The following SUPV3L1 variants were observed in gnomAD, a reference collection of about 807,000 sequenced individuals.
SUPV3L1 encodes the protein ATP-dependent RNA helicase SUPV3L1, mitochondrial.
In SUPV3L1, 35 loss-of-function variants were observed where a neutral mutation model predicts 70.0. The observed-to-expected ratio is 0.50, with a 90% CI of 0.38 to 0.66. The LOEUF (loss-of-function observed/expected upper bound fraction) is 0.66. Ranked by LOEUF, SUPV3L1 falls within the 30% of genes least tolerant of loss-of-function variation. SUPV3L1 has a pLI of 0.00. For missense variants in SUPV3L1, 777 were observed against 961.5 expected, an observed-to-expected ratio of 0.81 and a Z score of 2.54; for synonymous variants, 364 against 341.9, an observed-to-expected ratio of 1.06 and a Z score of -0.71.
At chr10:69,203,816 C>T (rs749541237) in intron 13 of SUPV3L1, among the ~76,000 whole-genome samples, 5 of 152,036 alleles carry the variant, frequency 3.3e-5, no homozygotes, top group African/African-American at 4.8e-5. Flanking sequence ...ACCTCAACCT[C>T]CCTGGCTCAA....
At chr10:69,194,016 T>G (rs752840182) in intron 6 of SUPV3L1, among the ~76,000 whole-genome samples, 5 of 152,192 alleles carry the variant, frequency 3.3e-5, no homozygotes, top group African/African-American at 4.8e-5. Context: ...GCTGCCTGGT[T>G]TCCTGTGGTA....
intron 12 of SUPV3L1, 28 bp from the exon 13 acceptor site, chr10:69,202,839 C>T (rs774359677): frequency 2.1e-5 from 33 of 1,598,946 alleles, no homozygotes; most frequent in Middle Eastern, 1.7e-4. Context: ...TTAGGCAGTC[C>T]AGTAATTTCT....
rs776784045 is a variant in SUPV3L1, at chr10:69,200,441, A to G, written c.1460A>G (p.Asn487Ser). 1.6e-5 allele frequency: 26 copies of G among 1,613,980 alleles called. No homozygotes were observed. The Admixed American group carries it at 3.2e-4, about 20-fold the overall frequency. The change falls in exon 11 of 15, where the codon AAT (asparagine) becomes AGT (serine). Residue 487 changes from asparagine to serine, a missense_variant. Transcript: ENST00000359655. ...AAAGAAGGAGAGGTTACAACAATGA[A>G]TCATGAAGATCTCAGTTTATTAAAG... Reference protein sequence around the residue: ...RFKEGEVTTMNHEDLSLLKEI... With the variant: ...RFKEGEVTTMSHEDLSLLKEI...
rs1420920223 is a variant in SUPV3L1 at position 69,197,078 on chromosome 10, G to T, written c.1018G>T (p.Val340Leu). The T allele has an allele frequency of 1.2e-6, 2 of 1,614,044 alleles. No homozygotes were observed. Among genetic ancestry groups the T allele is most frequent in the Non-Finnish European group, 1.7e-6 (2 of 1,179,908 alleles). The change falls in exon 8 of 15, where the codon GTG becomes TTG. Residue 340 changes from valine to leucine, a missense_variant. By Grantham distance (32) the Val-to-Leu change is conservative. Around this residue, in one of 2 missense-constraint regions of SUPV3L1, gnomAD observed 619 missense variants for 823.3 expected, o/e 0.75. Coordinates refer to ENST00000359655, the MANE Select transcript of SUPV3L1 (RefSeq NM_003171.5). ...MELMYTTGEE[V>L]EVRDYKRLTP... Reference sequence around the variant, plus strand: ...GCTTATGTACACAACGGGGGAGGAAGTGGAGGTATTCGATTAGATGCTTTG... The same window carrying T: ...GCTTATGTACACAACGGGGGAGGAATTGGAGGTATTCGATTAGATGCTTTG...
Position 69,200,380 on chromosome 10 carries a change from A to G in SUPV3L1, c.1399A>G (p.Ile467Val), listed in dbSNP as rs1842653739. 1 of 1,614,056 alleles carries G rather than the reference A, an allele frequency of 6.2e-7. No homozygotes were observed. The highest frequency in any genetic ancestry group is 1.3e-5 in the African/African-American group (1 of 74,928). Reference protein sequence around the residue: ...EPITTSQALQIAGRAGRFSSR... With the variant: ...EPITTSQALQVAGRAGRFSSR... The stretch of plus-strand genomic sequence containing the variant: ...AATCACAACCTCTCAAGCCCTGCAG[A>G]TTGCTGGCAGAGCTGGCAGATTCAG... Residue 467 changes from isoleucine (I) to valine (V), a missense_variant, in exon 11 of 15, where the codon ATT becomes GTT. By Grantham distance (29) the Ile-to-Val change is conservative (BLOSUM62 3). Coordinates refer to ENST00000359655, the MANE Select transcript of SUPV3L1 (RefSeq NM_003171.5).
intron 11 of SUPV3L1, among the ~76,000 whole-genome samples, chr10:69,202,027 G>C (rs1258121447): frequency 1.3e-5 from 2 of 151,286 alleles, no homozygotes; most frequent in Admixed American, 6.6e-5. Context: ...TTTTAGTAGA[G>C]ACGGGGTTTC....
chr10:69,206,685 C>T (rs1842838414), intron 13 of SUPV3L1, among the ~76,000 whole-genome samples: 1 of 152,214 alleles, frequency 6.6e-6, no homozygotes, highest in African/African-American at 2.4e-5. Context: ...ACCAGCCTTG[C>T]ACCAGGCCAC....
intron 11 of SUPV3L1, among the ~76,000 whole-genome samples, chr10:69,202,002 A>G (rs190280963): frequency 6.6e-6 from 1 of 151,334 alleles, no homozygotes; most frequent in Non-Finnish European, 1.5e-5. Flanking sequence ...CACCACACCC[A>G]GCTAATTTTT....
chr10:69,189,182 C>A, intron 4 of SUPV3L1, 85 bp from the exon 5 acceptor site: 1 of 1,402,832 alleles, frequency 7.1e-7, no homozygotes, highest in Non-Finnish European at 9.6e-7. Context: ...GAGGATATTT[C>A]ATTTGGAATT....
chr10:69,201,597 TG>T (rs999224028), intron 11 of SUPV3L1, among the ~76,000 whole-genome samples: 4 of 151,326 alleles, frequency 2.6e-5, no homozygotes, highest in Non-Finnish European at 5.9e-5. Context: ...TGCTGTGGCA[TG>T]ATCACGGCTC....
rs766172387 is a variant in SUPV3L1 at position 69,203,056 on chromosome 10, C to G, written c.1776+13C>G. On this transcript the variant is annotated intron_variant, in intron 13 of 14. Transcript: ENST00000359655. The stretch of plus-strand genomic sequence containing the variant: ...TTCACTGTTACAGGTAAGCCTTTAT[C>G]TTTAAGCTATTTTGAGTTCCTTCTG... 1.1e-5 allele frequency: 17 copies of G among 1,590,492 alleles called. No individual in the cohort carries two copies. Among genetic ancestry groups the G allele is most frequent in the Middle Eastern group, 1.7e-4 (1 of 5,946 alleles).
chr10:69,189,467 T>C (rs1443155440), intron 5 of SUPV3L1, 32 bp downstream of exon 5: 6 of 1,542,796 alleles, frequency 3.9e-6, no homozygotes, highest in Non-Finnish European at 4.4e-6. Flanking sequence ...TGCTCATTTT[T>C]TTCTTAATTT....
rs59328806 is a variant in SUPV3L1 at position 69,184,616 on chromosome 10, T to TACACACACACACACACACAC, written c.272-1354_272-1335dup. Among the ~76,000 whole-genome samples the TACACACACACACACACACAC allele has an allele frequency of 3.7e-3, 544 of 146,146 alleles. 7 individuals are homozygous for TACACACACACACACACACAC. The highest frequency in any genetic ancestry group is 0.01 in the African/African-American group (397 of 39,426). ...ATCTGCCTGTGATCTGAAATATAAA[T>TACACACACACACACACACAC]ACACACACACACACACACACACACA... On this transcript the variant is annotated intron_variant, in intron 1 of 14. Coordinates refer to ENST00000359655, the MANE Select transcript of SUPV3L1 (RefSeq NM_003171.5).
In SUPV3L1 at chr10:69,208,937, T is replaced by C; in HGVS notation, c.2263T>C (p.Trp755Arg). The C allele has an allele frequency of 6.2e-7, 1 of 1,613,362 alleles. No homozygotes were observed. Among genetic ancestry groups the C allele is most frequent in the Non-Finnish European group, 8.5e-7 (1 of 1,179,874 alleles). Residue 755 changes from tryptophan (W) to arginine (R), a missense_variant, in exon 15 of 15, where the codon TGG becomes CGG. By Grantham distance (101) the Trp-to-Arg change is moderately radical. Around this residue, in one of 2 missense-constraint regions of SUPV3L1, gnomAD observed 619 missense variants for 823.3 expected, o/e 0.75. Transcript: ENST00000359655. ...PDMLKQLEKE[W>R]MTQQTEHNKE... Reference sequence around the variant, plus strand: ...CATGCTGAAACAGCTAGAAAAAGAGTGGATGACACAACAAACTGAACACAA... The same window carrying C: ...CATGCTGAAACAGCTAGAAAAAGAGCGGATGACACAACAAACTGAACACAA...
rs574864266 is a variant in SUPV3L1, at chr10:69,207,845, G to T, written c.1829G>T (p.Arg610Leu). ...NEPLTFAWLR[R>L]YIKWPLLPPK... ...CCCCTGACCTTTGCATGGTTACGCC[G>T]ATACATCAAATGGCCTTTACTTCCA... Residue 610 changes from arginine to leucine, a missense_variant, in exon 14 of 15, where the codon CGA becomes CTA. This residue lies in a region of SUPV3L1 where 619 missense variants were observed against 823.3 expected (regional missense o/e 0.75). Coordinates refer to ENST00000359655, the MANE Select transcript of SUPV3L1 (RefSeq NM_003171.5). The T allele has an allele frequency of 6.2e-7, 1 of 1,614,038 alleles. No homozygotes were observed. The highest frequency in any genetic ancestry group is 2.2e-5 in the East Asian group (1 of 44,870).
intron 11 of SUPV3L1, among the ~76,000 whole-genome samples, chr10:69,201,083 A>T (rs1842669028): frequency 6.6e-6 from 1 of 152,120 alleles, no homozygotes; most frequent in South Asian, 2.1e-4. Flanking sequence ...TAGACATGAG[A>T]TCATACAGGG....
At chr10:69,182,983 T>C (rs1312841744) in intron 1 of SUPV3L1, among the ~76,000 whole-genome samples, 1 of 152,192 alleles carries the variant, frequency 6.6e-6, no homozygotes, top group African/African-American at 2.4e-5. Flanking sequence ...GATCTTTGTC[T>C]CTACCCTGGA....
At chr10:69,195,026 C>T (rs947008742) in intron 6 of SUPV3L1, among the ~76,000 whole-genome samples, 162 bp from the exon 7 acceptor site, 1 of 151,990 alleles carries the variant, frequency 6.6e-6, no homozygotes, top group African/African-American at 2.4e-5. Flanking sequence ...AGAGGAGGTA[C>T]TTAAGAGGAG....
chr10:69,190,660 G>T (rs1842367640), intron 5 of SUPV3L1, among the ~76,000 whole-genome samples: 1 of 152,050 alleles, frequency 6.6e-6, no homozygotes, highest in African/African-American at 2.4e-5. Context: ...TTCTTTTCAG[G>T]GTCTTACACT....
Sources: allele counts gnomAD v4.1 joint callset (sites outside exome capture counted in the v4.1 genomes callset), GRCh38; gene constraint gnomAD v4.1.1; regional missense constraint gnomAD v4.1.1; transcripts MANE v1.5; gene names NCBI Gene and HGNC (gene_info 2026-07-23, HGNC 2026-07-21).